The following MARCO variants were observed in gnomAD, a reference collection of about 807,000 sequenced individuals.
MARCO encodes macrophage receptor MARCO.
MARCO carries 72 observed loss-of-function variants against 70.0 expected under a neutral mutation model. The ratio of observed to expected loss-of-function variants is 1.03; its 90% CI spans 0.85 to 1.25. The LOEUF (loss-of-function observed/expected upper bound fraction) is 1.25. MARCO is among the 50% of genes most tolerant of loss of function. The pLI is 0.00. For missense variants in MARCO, 696 were observed against 659.3 expected (o/e 1.06, Z -0.61); for synonymous variants, 273 against 243.1 (o/e 1.12, Z -1.14).
intron 1 of MARCO, among the ~76,000 whole-genome samples, chr2:118,952,379 A>G (rs545004706): frequency 2.6e-5 from 4 of 152,082 alleles, no homozygotes; most frequent in South Asian, 4.2e-4. Context: ...GGCCCCTTTT[A>G]GTGTTGGCGT....
At chr2:118,973,098 CTGAATATAGATGTATGTA>C (rs1680204983) in intron 4 of MARCO, among the ~76,000 whole-genome samples, 1 of 151,126 alleles carries the variant, frequency 6.6e-6, no homozygotes, top group African/African-American at 2.4e-5. Context: ...CTCTGTCTCT[CTGAATATAGATGTATGTA>C]CATAGAGAAA....
At chr2:118,977,579 C>T in intron 7 of MARCO, 64 bp downstream of exon 7, 1 of 1,407,682 alleles carries the variant, frequency 7.1e-7, no homozygotes, top group Non-Finnish European at 1.0e-6. Flanking sequence ...GGCAGTTCCC[C>T]CCCACCCCCC....
chr2:118,981,050 T>A (rs1432929999), intron 8 of MARCO, among the ~76,000 whole-genome samples: 2 of 152,214 alleles, frequency 1.3e-5, no homozygotes, highest in African/African-American at 4.8e-5. Flanking sequence ...CTTTTCGGAA[T>A]ACTCAGGTTT....
rs751310245 is a variant in MARCO, at chr2:118,982,370, T to C, written c.1023T>C (p.Ser341=). Residue 341 remains serine, a synonymous_variant, in exon 12 of 17, where the codon AGT becomes AGC. Coordinates refer to ENST00000327097, the MANE Select transcript of MARCO (RefSeq NM_006770.4). The stretch of plus-strand genomic sequence containing the variant: ...CAGGACTTCCAGGGAGCCCCGGGAG[T>C]CCAGGAGCCACAGGCCTGAAAGGAA... ...GRAGLPGSPG[S]PGATGLKGSK... is the part of the protein sequence containing the mutation. The C allele has an allele frequency of 6.2e-6, 10 of 1,613,278 alleles. No individual in the cohort carries two copies. Among genetic ancestry groups the C allele is most frequent in the East Asian group, 2.2e-5 (1 of 44,846 alleles).
At chr2:118,987,264 A>T (rs1680535500) in intron 12 of MARCO, among the ~76,000 whole-genome samples, 2 of 152,218 alleles carry the variant, frequency 1.3e-5, no homozygotes, top group Admixed American at 1.3e-4. Context: ...TCTCCAGCGT[A>T]GTTTTACAAC....
intron 16 of MARCO, 28 bp downstream of exon 16, chr2:118,993,328 T>C: frequency 6.2e-7 from 1 of 1,610,856 alleles, no homozygotes; most frequent in Non-Finnish European, 8.5e-7. Flanking sequence ...CGGGGGCCTC[T>C]TCCCCAGAGG....
chr2:118,992,324 G>A (rs1680638409), intron 14 of MARCO, 108 bp from the exon 15 acceptor site: 3 of 825,970 alleles, frequency 3.6e-6, no homozygotes, highest in Admixed American at 2.0e-5. Context: ...GACCCACGGA[G>A]CATCTGACCA....
chr2:118,990,832 G>A (rs563271731), intron 13 of MARCO, among the ~76,000 whole-genome samples, 199 bp downstream of exon 13: 186 of 152,292 alleles, frequency 1.2e-3, no homozygotes, highest in Non-Finnish European at 1.5e-3. Context: ...AACATCCTGA[G>A]GGGTGTAGCG....
At chr2:118,980,334 C>T (rs1680365527) in intron 8 of MARCO, among the ~76,000 whole-genome samples, 1 of 152,194 alleles carries the variant, frequency 6.6e-6, no homozygotes, top group Admixed American at 6.5e-5. Context: ...TTGTCTTCCT[C>T]AAGGAGCAGC....
intron 4 of MARCO, among the ~76,000 whole-genome samples, chr2:118,973,656 G>A (rs1460557602): frequency 2.6e-5 from 4 of 152,122 alleles, no homozygotes; most frequent in African/African-American, 9.7e-5. Context: ...TGGGGGAGGA[G>A]GGCTGGGTGT....
At chr2:118,948,145 A>G (rs1045863537) in intron 1 of MARCO, among the ~76,000 whole-genome samples, 4 of 152,254 alleles carry the variant, frequency 2.6e-5, no homozygotes, top group Admixed American at 6.5e-5. Flanking sequence ...AAGTTAGCAC[A>G]GAGACAAAAG....
intron 16 of MARCO, among the ~76,000 whole-genome samples, chr2:118,993,716 A>C (rs748194141): frequency 1.3e-5 from 2 of 152,238 alleles, no homozygotes; most frequent in African/African-American, 2.4e-5. Context: ...ATTGACCAGC[A>C]AGCAGTCTTG....
intron 16 of MARCO, 114 bp from the exon 17 acceptor site, chr2:118,994,273 A>G: frequency 8.9e-7 from 1 of 1,129,556 alleles, no homozygotes; most frequent in Non-Finnish European, 1.3e-6. Flanking sequence ...GGCCAGAATG[A>G]GTGAGAAGTC....
intron 2 of MARCO, 94 bp from the exon 3 acceptor site, chr2:118,970,020 G>C: frequency 4.7e-6 from 5 of 1,072,908 alleles, no homozygotes; most frequent in Non-Finnish European, 7.1e-6. Context: ...TACAAATTCA[G>C]GGCCTGTAGA....
chr2:118,946,429 T>A lies in MARCO; in HGVS notation c.97+4032T>A, dbSNP rs534857222. Among the ~76,000 whole-genome samples, 12 of 152,342 alleles carry A rather than the reference T, an allele frequency of 7.9e-5. No individual in the cohort carries two copies. In the South Asian group the frequency reaches 2.5e-3, roughly 32 times the overall value. Reference sequence around the variant, plus strand: ...TTACATAAAGAAATTACACAGTATGTGACTTCTTTAAGATTGATTTTTTTT... The same window carrying A: ...TTACATAAAGAAATTACACAGTATGAGACTTCTTTAAGATTGATTTTTTTT... On this transcript the variant is annotated intron_variant, in intron 1 of 16. Transcript: ENST00000327097.
chr2:118,965,129 C>A (rs1680020936), intron 1 of MARCO, among the ~76,000 whole-genome samples: 1 of 151,982 alleles, frequency 6.6e-6, no homozygotes, highest in Non-Finnish European at 1.5e-5. Context: ...GCCATTATTT[C>A]TTTGAATATT....
rs2104578321 is a variant in MARCO, at chr2:118,970,337, A to G, written c.423A>G (p.Pro141=). 1 of 1,609,634 alleles carries G rather than the reference A, an allele frequency of 6.2e-7. No homozygotes were observed. The highest frequency in any genetic ancestry group is 8.5e-7 in the Non-Finnish European group (1 of 1,177,648). The part of the protein sequence containing the change: ...LQRVDNFTQN[P]GMFRIKGEQG... ...GGGTAGACAACTTCACTCAGAACCC[A>G]GGTTTGGCCTCCTCCCCTCTGGGTC... The change falls in exon 3 of 17, where the codon CCA becomes CCG. Residue 141 remains proline (P), a splice_region_variant and synonymous_variant. Coordinates refer to ENST00000327097, the MANE Select transcript of MARCO (RefSeq NM_006770.4).
chr2:118,991,300 C>G (rs898612838), intron 13 of MARCO, among the ~76,000 whole-genome samples: 1 of 151,366 alleles, frequency 6.6e-6, no homozygotes, highest in Non-Finnish European at 1.5e-5. Context: ...CTGTGTCACC[C>G]AGGCCCGAAT....
chr2:118,980,887 G>A lies in MARCO; in HGVS notation c.767-522G>A, dbSNP rs1432060239. The stretch of plus-strand genomic sequence containing the variant: ...AGAGGACTCAGAAGGGGACAGGCTA[G>A]GATGAGCTCTGAATTCTGATGATAA... On this transcript the variant is annotated intron_variant, in intron 8 of 16. Transcript: ENST00000327097. 2.6e-5 allele frequency among the ~76,000 whole-genome samples: 4 copies of A among 152,164 alleles called. No homozygotes were observed. In the East Asian group the frequency reaches 7.7e-4, roughly 29 times the overall value.
Sources: allele counts gnomAD v4.1 joint callset (sites outside exome capture counted in the v4.1 genomes callset), GRCh38; gene constraint gnomAD v4.1.1; transcripts MANE v1.5; gene names NCBI Gene and HGNC (gene_info 2026-07-23, HGNC 2026-07-21).